Variants in NUP62CL observed in about 807,000 individuals in gnomAD.
The protein encoded by NUP62CL is nucleoporin 62 C-terminal like, also known as nucleoporin-62 C-terminal-like protein.
A neutral mutation model predicts 15.3 loss-of-function variants in NUP62CL; 13 were observed. That is an observed-to-expected ratio of 0.85 (90% confidence interval 0.55 to 1.35). The LOEUF (loss-of-function observed/expected upper bound fraction) is 1.35. NUP62CL is among the 40% of genes most tolerant of loss of function. NUP62CL has a pLI of 0.00. For synonymous variants in NUP62CL, 54 were observed against 49.2 expected, an observed-to-expected ratio of 1.10 and a Z score of -0.41; for missense variants, 123 against 130.6, an observed-to-expected ratio of 0.94 and a Z score of 0.28.
At chrX:107,134,021 T>C (rs752133584) in intron 8 of NUP62CL, among the ~76,000 whole-genome samples, 2 of 112,300 alleles carry the variant, frequency 1.8e-5, no homozygotes, top group Non-Finnish European at 3.8e-5. Flanking sequence ...GGCATAATAC[T>C]AGGGATTAGG....
chrX:107,170,413 CTT>C (rs35571930), intron 3 of NUP62CL, among the ~76,000 whole-genome samples: 6 of 94,646 alleles, frequency 6.3e-5, no homozygotes, highest in Non-Finnish European at 4.2e-5. Flanking sequence ...ATTATTTTAA[CTT>C]TTTTTTTTTT....
chrX:107,132,193 A>G (rs1651220622), intron 8 of NUP62CL: 1 of 1,124,430 alleles, frequency 8.9e-7, no homozygotes, highest in African/African-American at 1.8e-5. Flanking sequence ...GCACTTGGAA[A>G]TAGAAGATTC....
At chrX:107,195,909 A>G (rs150730387) in intron 1 of NUP62CL, among the ~76,000 whole-genome samples, 3,198 of 108,816 alleles carry the variant, frequency 0.029, 128 homozygotes, top group African/African-American at 0.099. Context: ...GTTTTAATAT[A>G]CATGATGATA....
chrX:107,199,153 T>C (rs1021135441), intron 1 of NUP62CL, among the ~76,000 whole-genome samples: 3 of 111,537 alleles, frequency 2.7e-5, no homozygotes, highest in Middle Eastern at 4.6e-3. Flanking sequence ...GAAGCACTTA[T>C]TGAAACTGAA....
At chrX:107,204,893 ATTATTTAAATAAATTTTAAATAAATTAT>A (rs1363231737) in intron 1 of NUP62CL, among the ~76,000 whole-genome samples, 2,607 of 58,430 alleles carry the variant, frequency 0.045, 79 homozygotes, top group Middle Eastern at 0.064. Context: ...TTTTAAATAA[ATTATTTAAATAAATTTTAAATAAATTAT>A]TTATTTAAAT....
rs1180130637 is a variant in NUP62CL, at chrX:107,123,590, A to AC, written c.*784_*785insG. 6 of 111,694 alleles carry AC rather than the reference A, an allele frequency of 5.4e-5. No individual in the cohort carries two copies. Among genetic ancestry groups the AC allele is most frequent in the Middle Eastern group, 4.6e-3 (1 of 216 alleles). The allele number at this position is 111,694 out of a possible 1,213,427, so 9.2% of individuals were successfully genotyped here. On this transcript the variant is annotated 3_prime_UTR_variant, in exon 9 of 9. Coordinates refer to ENST00000372466, the MANE Select transcript of NUP62CL (RefSeq NM_017681.3). ...AAAACAAAACAAAACAAACAAACAA[A>AC]AAAAAAGAAAAACAAACAAATATAC...
At chrX:107,124,691 C>G (rs1409371355) in intron 8 of NUP62CL, among the ~76,000 whole-genome samples, 1 of 111,009 alleles carries the variant, frequency 9.0e-6, no homozygotes, top group African/African-American at 3.3e-5. Context: ...TCTTAGCTAC[C>G]TATAAGCAAA....
intron 1 of NUP62CL, among the ~76,000 whole-genome samples, chrX:107,193,704 C>T (rs188788345): frequency 9.0e-6 from 1 of 110,538 alleles, no homozygotes; most frequent in East Asian, 2.8e-4. Context: ...AAAAAAAGCC[C>T]TTAGAAGGTT....
At chrX:107,143,113 A>G (rs1380386492) in intron 8 of NUP62CL, among the ~76,000 whole-genome samples, 1 of 112,158 alleles carries the variant, frequency 8.9e-6, no homozygotes, top group East Asian at 2.8e-4. Flanking sequence ...AACCCATCAC[A>G]TAAGTTAGAG....
chrX:107,175,281 G>A, intron 2 of NUP62CL, 88 bp from the exon 3 acceptor site: 1 of 478,234 alleles, frequency 2.1e-6, no homozygotes, highest in Non-Finnish European at 3.7e-6. Context: ...TCATTAATAT[G>A]GAGAAATAAA....
rs138564358 is a variant in NUP62CL, at chrX:107,173,202, G to C, written c.58+1887C>G. On this transcript the variant is annotated intron_variant, in intron 3 of 8. Transcript: ENST00000372466. ...TCTTTTTCATCTGAAGAGTCCTTTA[G>C]AAACTTTTGGTTAAACTTCAAAAAA... Among the ~76,000 whole-genome samples, 15 of 112,224 alleles carry C rather than the reference G, an allele frequency of 1.3e-4. 1 individual carries two copies. The highest frequency in any genetic ancestry group is 9.4e-4 in the Admixed American group (10 of 10,593).
At chrX:107,170,882 G>T (rs900865550) in intron 3 of NUP62CL, among the ~76,000 whole-genome samples, 28 of 112,281 alleles carry the variant, frequency 2.5e-4, no homozygotes, top group Non-Finnish European at 4.1e-4. Context: ...GTCTTAACCA[G>T]TTAATACAGT....
At chrX:107,170,699 G>A (rs774767087) in intron 3 of NUP62CL, among the ~76,000 whole-genome samples, 6 of 111,689 alleles carry the variant, frequency 5.4e-5, no homozygotes, top group Middle Eastern at 4.7e-3. Flanking sequence ...GGCATGAGCC[G>A]CCACACCCGG....
intron 3 of NUP62CL, among the ~76,000 whole-genome samples, chrX:107,172,421 C>A (rs1285574): frequency 0.37 from 41,151 of 110,805 alleles, 8,219 homozygotes; most frequent in African/African-American, 0.77. Flanking sequence ...CAGATTAAAA[C>A]AGATTCATTT....
rs930566878 is a variant in NUP62CL at position 107,154,623 on chromosome X, CAA to C, written c.195-379_195-378del. Reference sequence around the variant, plus strand: ...GATTCTCTCTCCCCCAGCTCTTAGTCAAAGTGACCCATTCCCTGTTTGAGTAG... The same window carrying C: ...GATTCTCTCTCCCCCAGCTCTTAGTCAGTGACCCATTCCCTGTTTGAGTAG... On this transcript the variant is annotated intron_variant, in intron 4 of 8. Coordinates refer to ENST00000372466, the MANE Select transcript of NUP62CL (RefSeq NM_017681.3). Among the ~76,000 whole-genome samples the C allele has an allele frequency of 4.5e-5, 5 of 111,499 alleles. No individual in the cohort carries two copies. In the Admixed American group the frequency reaches 4.7e-4, roughly 11 times the overall value.
chrX:107,146,945 C>T (rs1925896043), intron 8 of NUP62CL, among the ~76,000 whole-genome samples: 1 of 111,439 alleles, frequency 9.0e-6, no homozygotes, highest in Admixed American at 9.6e-5. Flanking sequence ...GATCTAGGTT[C>T]TAGGTGTGCT....
intron 4 of NUP62CL, among the ~76,000 whole-genome samples, chrX:107,160,409 C>T (rs1926331254): frequency 9.4e-6 from 1 of 106,107 alleles, no homozygotes; most frequent in South Asian, 4.2e-4. Flanking sequence ...ACCAAAACAG[C>T]ATGGTACTGG....
rs529867272 is a variant in NUP62CL, at chrX:107,140,485, G to A, written c.*42+7258C>T. 2.6e-3 allele frequency among the ~76,000 whole-genome samples: 291 copies of A among 111,329 alleles called. 1 individual carries two copies. The highest frequency in any genetic ancestry group is 4.6e-3 in the Middle Eastern group (1 of 217). On this transcript the variant is annotated intron_variant, in intron 8 of 8. Coordinates refer to ENST00000372466, the MANE Select transcript of NUP62CL (RefSeq NM_017681.3). ...GTGCTGTTTCAACTGGCATCTAAAA[G>A]AACATCTTCCAATTATATAGCACTC... is the stretch of plus-strand genomic sequence containing the variant.
chrX:107,174,159 T>A (rs1244877029), intron 3 of NUP62CL, among the ~76,000 whole-genome samples: 1 of 95,887 alleles, frequency 1.0e-5, no homozygotes, highest in Admixed American at 1.2e-4. Context: ...TTCCTTTTTT[T>A]TTTTTTTGGT....
Sources: allele counts gnomAD v4.1 joint callset (sites outside exome capture counted in the v4.1 genomes callset), GRCh38; gene constraint gnomAD v4.1.1; transcripts MANE v1.5; gene names NCBI Gene and HGNC (gene_info 2026-07-23, HGNC 2026-07-21).